The following GPLD1 variants were observed in gnomAD, a reference collection of about 807,000 sequenced individuals.
The protein encoded by GPLD1 is glycosylphosphatidylinositol specific phospholipase D1, also known as phosphatidylinositol-glycan-specific phospholipase D.
A neutral mutation model predicts 112.6 loss-of-function variants in GPLD1; 84 were observed. The ratio of observed to expected loss-of-function variants is 0.75; its 90% CI spans 0.63 to 0.89. GPLD1 has a LOEUF of 0.89. GPLD1 is among the 40% of genes least tolerant of loss of function. GPLD1 has a pLI of 0.00. For synonymous variants in GPLD1, 386 were observed against 403.8 expected, an observed-to-expected ratio of 0.96 and a Z score of 0.53; for missense variants, 1,044 against 1,051.5, an observed-to-expected ratio of 0.99 and a Z score of 0.10.
chr6:24,453,887 AAT>A, intron 14 of GPLD1, 126 bp downstream of exon 14: 2 of 663,666 alleles, frequency 3.0e-6, no homozygotes, highest in Admixed American at 2.6e-5. Flanking sequence ...GTGCTTCACA[AAT>A]GTACACCACC....
upstream of GPLD1, among the ~76,000 whole-genome samples, chr6:24,490,477 G>A (rs930741487): frequency 1.3e-5 from 2 of 152,172 alleles, no homozygotes; most frequent in South Asian, 2.1e-4. Flanking sequence ...TTGGCTGGGC[G>A]TGGCGGCCCA....
intron 10 of GPLD1, among the ~76,000 whole-genome samples, chr6:24,464,685 C>T (rs1280665844): frequency 1.3e-5 from 2 of 152,206 alleles, no homozygotes; most frequent in East Asian, 3.9e-4. Context: ...TTATGAACAG[C>T]TAACTCTGCT....
intron 7 of GPLD1, among the ~76,000 whole-genome samples, chr6:24,468,861 T>A (rs1241867404): frequency 2.6e-5 from 4 of 152,202 alleles, no homozygotes; most frequent in Non-Finnish European, 4.4e-5. Context: ...CAAGATGTGC[T>A]CCAACAGCCT....
chr6:24,486,591 C>T (rs990922416), intron 1 of GPLD1, among the ~76,000 whole-genome samples: 7 of 152,086 alleles, frequency 4.6e-5, no homozygotes, highest in Admixed American at 3.3e-4. Flanking sequence ...CCGAGGAGGG[C>T]GGATCACCTG....
chr6:24,460,643 C>T (rs1379192798), intron 11 of GPLD1, among the ~76,000 whole-genome samples: 1 of 151,964 alleles, frequency 6.6e-6, no homozygotes, highest in Non-Finnish European at 1.5e-5. Flanking sequence ...TATCAGAGCT[C>T]TATGGTAGGA....
chr6:24,484,162 G>A (rs957094630), intron 2 of GPLD1, among the ~76,000 whole-genome samples: 9 of 152,000 alleles, frequency 5.9e-5, no homozygotes, highest in Admixed American at 2.6e-4. Context: ...TGATCTGCCC[G>A]CCTTGGCCTC....
At chr6:24,476,398 A>T (rs1305702329) in intron 3 of GPLD1, 120 bp from the exon 4 acceptor site, 1 of 608,200 alleles carries the variant, frequency 1.6e-6, no homozygotes, top group East Asian at 2.8e-5. Flanking sequence ...CATGCCCCTC[A>T]GTTTCTTCTG....
At chr6:24,451,055 A>C (rs945411739) in intron 14 of GPLD1, among the ~76,000 whole-genome samples, 1 of 152,256 alleles carries the variant, frequency 6.6e-6, no homozygotes, top group Admixed American at 6.5e-5. Context: ...TCAAATGTTC[A>C]AAGCCTGTGT....
In GPLD1 at chr6:24,429,018, A is replaced by G. The variant is rs769355915; in HGVS notation, c.*14T>C. On this transcript the variant is annotated 3_prime_UTR_variant, in exon 25 of 25. Transcript: ENST00000230036. ...TGAGAGAGGTGGGCAGAGTGGGGAA[A>G]TGCAGTGAAATCTTCAATCTGAGCC... is the stretch of plus-strand genomic sequence containing the variant. 2 of 1,575,704 alleles carry G rather than the reference A, an allele frequency of 1.3e-6. No homozygotes were observed. The highest frequency in any genetic ancestry group is 4.5e-5 in the East Asian group (2 of 44,530).
intron 24 of GPLD1, among the ~76,000 whole-genome samples, chr6:24,432,859 C>A (rs180744756): frequency 1.3e-5 from 2 of 152,306 alleles, no homozygotes; most frequent in Admixed American, 1.3e-4. Context: ...AACTGCACTG[C>A]CGTTTAAACT....
In GPLD1 at chr6:24,460,522, G is replaced by A. The variant is rs1156341539; in HGVS notation, c.888-123C>T. On this transcript the variant is annotated intron_variant, in intron 11 of 24. Transcript: ENST00000230036. Reference sequence around the variant, plus strand: ...AGACCACAAAATTTTAACGTCAGAAGGCTGAAGGAGCAACACAGAAAGTTT... The same window carrying A: ...AGACCACAAAATTTTAACGTCAGAAAGCTGAAGGAGCAACACAGAAAGTTT... 9.6e-6 allele frequency: 9 copies of A among 937,140 alleles called. No individual in the cohort carries two copies. The East Asian group carries it at 2.2e-4, about 23-fold the overall frequency. 58.1% of individuals were successfully genotyped at this position (937,140 alleles called of 1,614,324 possible). A position where few individuals can be genotyped will look rare whatever the true frequency, so the allele number is the denominator to read the frequency against.
At chr6:24,443,317 G>A (rs912507807) in intron 20 of GPLD1, among the ~76,000 whole-genome samples, 5 of 152,214 alleles carry the variant, frequency 3.3e-5, no homozygotes, top group African/African-American at 1.2e-4. Context: ...AGCAAAAGCA[G>A]GGAGGAGGAG....
intron 14 of GPLD1, among the ~76,000 whole-genome samples, chr6:24,451,380 T>C (rs771890319): frequency 6.6e-6 from 1 of 152,186 alleles, no homozygotes; most frequent in Non-Finnish European, 1.5e-5. Context: ...TTCGCTCTTG[T>C]TGCCCAGGCT....
rs1762272076 is a variant in GPLD1, at chr6:24,427,453, A to G, written c.*1579T>C. On this transcript the variant is annotated 3_prime_UTR_variant, in exon 25 of 25. Coordinates refer to ENST00000230036, the MANE Select transcript of GPLD1 (RefSeq NM_001503.4). ...GGCTCTTTAGGTGTTAGAACAGCCA[A>G]CTCTACAAAAGTATTGGAGGGCACA... is the stretch of plus-strand genomic sequence containing the variant. Among the ~76,000 whole-genome samples, 1 of 152,030 alleles carries G rather than the reference A, an allele frequency of 6.6e-6. No homozygotes were observed. The highest frequency in any genetic ancestry group is 2.4e-5 in the African/African-American group (1 of 41,356).
upstream of GPLD1, among the ~76,000 whole-genome samples, chr6:24,490,361 T>C (rs1255348207): frequency 6.6e-6 from 1 of 152,180 alleles, no homozygotes; most frequent in Non-Finnish European, 1.5e-5. Context: ...ACACAAATTA[T>C]GCATATTTTA....
intron 3 of GPLD1, 72 bp downstream of exon 3, chr6:24,479,806 ATAT>A (rs1581784471): frequency 7.5e-6 from 6 of 798,288 alleles, no homozygotes; most frequent in Non-Finnish European, 1.3e-5. Flanking sequence ...ACATATATAT[ATAT>A]TTTTAAAGTC....
At chr6:24,455,445 T>C (rs369865411) in intron 13 of GPLD1, among the ~76,000 whole-genome samples, 62 of 152,364 alleles carry the variant, frequency 4.1e-4, no homozygotes, top group African/African-American at 1.1e-3. Flanking sequence ...TTAAGGAGTA[T>C]GATTTTTTTA....
At chr6:24,486,746 A>G (rs1421560461) in intron 1 of GPLD1, among the ~76,000 whole-genome samples, 2 of 152,202 alleles carry the variant, frequency 1.3e-5, no homozygotes, top group Middle Eastern at 6.8e-3. Flanking sequence ...TGAACCCAGG[A>G]GGCAGAGGTT....
intron 13 of GPLD1, among the ~76,000 whole-genome samples, chr6:24,455,123 T>C (rs1315546367): frequency 6.6e-6 from 1 of 152,158 alleles, no homozygotes; most frequent in Non-Finnish European, 1.5e-5. Flanking sequence ...CAAGAGCAGT[T>C]GTTTAAGGCT....
Sources: gnomAD v4.1 joint callset for allele counts (sites outside exome capture counted in the v4.1 genomes callset) on GRCh38, gnomAD v4.1.1 for gene constraint, MANE v1.5 for transcripts, NCBI Gene and HGNC (gene_info 2026-07-23, HGNC 2026-07-21) for gene names.